The following PSG11 variants were observed in gnomAD, a reference collection of about 807,000 sequenced individuals.
PSG11 encodes the protein pregnancy specific beta-1-glycoprotein 11.
In PSG11, 42 loss-of-function variants were observed where a neutral mutation model predicts 36.0. That is an observed-to-expected ratio of 1.17 (90% confidence interval 0.91 to 1.51). The LOEUF is 1.51. PSG11 is among the 40% of genes most tolerant of loss of function. PSG11 has a pLI of 0.00. For synonymous variants in PSG11, 206 were observed against 153.5 expected (o/e 1.34, Z -2.53); for missense variants, 558 against 403.5 (o/e 1.38, Z -3.28).
intron 4 of PSG11, chr19:43,014,369 C>T (rs1966902300): frequency 1.1e-6 from 1 of 931,874 alleles, no homozygotes; most frequent in Admixed American, 6.2e-5. Context: ...AGCTCTGCAT[C>T]AGTCACTGTA....
chr19:43,010,627 A>C (rs1323400442), intron 4 of PSG11: 3 of 303,070 alleles, frequency 9.9e-6, no homozygotes, highest in East Asian at 9.7e-5. Flanking sequence ...GGTACCTAAA[A>C]CTTCTTTCTC....
chr19:43,010,291 C>A, intron 4 of PSG11: 7 of 1,480,120 alleles, frequency 4.7e-6, no homozygotes, highest in Non-Finnish European at 6.3e-6. Flanking sequence ...GGCTTTCAGA[C>A]GTGAGAAAGG....
intron 5 of PSG11, among the ~76,000 whole-genome samples, chr19:43,009,221 G>A (rs931600316): frequency 6.6e-6 from 1 of 151,398 alleles, no homozygotes; most frequent in Non-Finnish European, 1.5e-5. Flanking sequence ...TGTGTCCTGA[G>A]TCTCAGGTTC....
At chr19:43,025,401 A>G (rs1485402864) in intron 1 of PSG11, 1 of 273,272 alleles carries the variant, frequency 3.7e-6, no homozygotes, top group East Asian at 8.2e-5. Flanking sequence ...GCATCCTTAG[A>G]CTTCTTTCCT....
chr19:43,010,092 T>A (rs1568484820), intron 4 of PSG11, 51 bp from the exon 5 acceptor site: 2 of 1,576,788 alleles, frequency 1.3e-6, no homozygotes, highest in East Asian at 4.5e-5. Flanking sequence ...TTATTTTACA[T>A]GGGGGAGCGT....
At chr19:43,022,276 T>C (rs1967119611) in intron 2 of PSG11, among the ~76,000 whole-genome samples, 1 of 151,492 alleles carries the variant, frequency 6.6e-6, no homozygotes, top group Admixed American at 6.6e-5. Context: ...ATTGGTCTTT[T>C]GAGATGCTTC....
Position 43,018,643 on chromosome 19 carries a change from T to C in PSG11, c.709+127A>G, listed in dbSNP as rs563630177. On this transcript the variant is annotated intron_variant, in intron 3 of 5. Coordinates refer to ENST00000320078, the MANE Select transcript of PSG11 (RefSeq NM_002785.3). ...GTGGTTTGTCTGGGGCAGAAAGTCA[T>C]GGCCAGCTTTGATGTCCAGTGGTAA... The C allele has an allele frequency of 2.1e-4, 336 of 1,591,056 alleles. 14 individuals are homozygous for C. In the African/African-American group the frequency reaches 4.1e-3, roughly 19 times the overall value.
In PSG11 at chr19:43,021,443, C is replaced by T. The variant is rs916899943; in HGVS notation, c.431-2395G>A. Among the ~76,000 whole-genome samples, 3 of 151,244 alleles carry T rather than the reference C, an allele frequency of 2.0e-5. 1 individual carries two copies. Among genetic ancestry groups the T allele is most frequent in the Non-Finnish European group, 4.4e-5 (3 of 67,862 alleles). ...CTCAGCTCACTGCAAGCTCCACCTC[C>T]CGGGTTCACACCATTCTCCTGCCTC... On this transcript the variant is annotated intron_variant, in intron 2 of 5. Coordinates refer to ENST00000320078, the MANE Select transcript of PSG11 (RefSeq NM_002785.3).
At chr19:43,022,288 C>T (rs1480987456) in intron 2 of PSG11, among the ~76,000 whole-genome samples, 4 of 151,450 alleles carry the variant, frequency 2.6e-5, no homozygotes, top group African/African-American at 9.7e-5. Flanking sequence ...AGATGCTTCT[C>T]ATTCTTTTGC....
intron 3 of PSG11, among the ~76,000 whole-genome samples, chr19:43,017,930 C>T (rs904439158): frequency 6.6e-6 from 1 of 151,242 alleles, no homozygotes; most frequent in Non-Finnish European, 1.5e-5. Flanking sequence ...AGTGTATAGT[C>T]TAAAGAATGA....
Position 43,021,003 on chromosome 19 carries a change from G to A in PSG11, c.431-1955C>T, listed in dbSNP as rs375710574. 1.6e-4 allele frequency among the ~76,000 whole-genome samples: 24 copies of A among 151,372 alleles called. No individual in the cohort carries two copies. The East Asian group carries it at 2.9e-3, about 18-fold the overall frequency. ...CCCCACACGAAGAACTCCAACTTAT[G>A]AAAACGGCATCATCATGAGGAAACA... On this transcript the variant is annotated intron_variant, in intron 2 of 5. Coordinates refer to ENST00000320078, the MANE Select transcript of PSG11 (RefSeq NM_002785.3).
In PSG11 at chr19:43,025,697, A is replaced by G. The variant is rs1300047359; in HGVS notation, c.64+612T>C. Reference sequence around the variant, plus strand: ...CAATTGTTGAGGTTTTTTATTGAGGACAGTGTTTCATGCCCTGTTTATTTT... The same window carrying G: ...CAATTGTTGAGGTTTTTTATTGAGGGCAGTGTTTCATGCCCTGTTTATTTT... On this transcript the variant is annotated intron_variant, in intron 1 of 5. Transcript: ENST00000320078. 3.9e-5 allele frequency among the ~76,000 whole-genome samples: 5 copies of G among 127,270 alleles called. 1 individual carries two copies. Among genetic ancestry groups the G allele is most frequent in the Admixed American group, 1.5e-4 (2 of 12,914 alleles). 83.5% of individuals were successfully genotyped at this position (127,270 alleles called of 152,430 possible). A position where few individuals can be genotyped will look rare whatever the true frequency, so the allele number is the denominator to read the frequency against.
At chr19:43,023,542 T>A (rs1967156820) in intron 2 of PSG11, among the ~76,000 whole-genome samples, 1 of 151,184 alleles carries the variant, frequency 6.6e-6, no homozygotes, top group Non-Finnish European at 1.5e-5. Flanking sequence ...GTGATTTAGT[T>A]CTGGAGTATA....
chr19:43,021,553 A>G (rs1967102485), intron 2 of PSG11, among the ~76,000 whole-genome samples: 1 of 151,172 alleles, frequency 6.6e-6, no homozygotes, highest in African/African-American at 2.4e-5. Flanking sequence ...GGCTTTAACC[A>G]TGTTAGCCAG....
chr19:43,017,207 A>G (rs777141283), intron 3 of PSG11: 7 of 151,432 alleles, frequency 4.6e-5, no homozygotes, highest in African/African-American at 1.7e-4. Context: ...ATTATTTCTT[A>G]TGCATAAGAC....
intron 2 of PSG11, among the ~76,000 whole-genome samples, chr19:43,020,421 C>A (rs1461137189): frequency 6.6e-6 from 1 of 151,130 alleles, no homozygotes; most frequent in Admixed American, 6.6e-5. Flanking sequence ...TGGGATGCTC[C>A]ATATTTAATA....
At chr19:43,021,842 T>G (rs1000949106) in intron 2 of PSG11, among the ~76,000 whole-genome samples, 9 of 151,334 alleles carry the variant, frequency 5.9e-5, no homozygotes, top group Non-Finnish European at 1.2e-4. Flanking sequence ...AATGAGCTCA[T>G]GGGCTTTGGA....
intron 3 of PSG11, chr19:43,018,534 C>G: frequency 1.0e-6 from 1 of 962,944 alleles, no homozygotes; most frequent in East Asian, 2.7e-5. Context: ...TCACCTGTTT[C>G]TCCCATCACA....
At chr19:43,018,291 A>G (rs767836570) in intron 3 of PSG11, 4 of 215,562 alleles carry the variant, frequency 1.9e-5, no homozygotes, top group Non-Finnish European at 3.8e-5. Context: ...GTGAGTGTCT[A>G]TGAGACAGGA....
Sources: allele counts gnomAD v4.1 joint callset (sites outside exome capture counted in the v4.1 genomes callset), GRCh38; gene constraint gnomAD v4.1.1; transcripts MANE v1.5; gene names NCBI Gene and HGNC (gene_info 2026-07-23, HGNC 2026-07-21).